Variants in SAMTOR observed in about 807,000 individuals in gnomAD.
SAMTOR encodes the protein S-adenosylmethionine sensor upstream of mTORC1.
the SAMTOR span, among the ~76,000 whole-genome samples, chr7:112,915,129 T>C: frequency 4.6e-5 from 7 of 151,898 alleles, no homozygotes; most frequent in South Asian, 1.5e-3. Flanking sequence ...TCCCAGCTAC[T>C]TGGGAGGCTG....
At chr7:112,849,910 T>A in the SAMTOR span, among the ~76,000 whole-genome samples, 1 of 152,198 alleles carries the variant, frequency 6.6e-6, no homozygotes. Flanking sequence ...ATTGCATATG[T>A]TAAACCATCT....
At chr7:112,884,461 G>A in the SAMTOR span, among the ~76,000 whole-genome samples, 1 of 152,182 alleles carries the variant, frequency 6.6e-6, no homozygotes, top group Non-Finnish European at 1.5e-5. Flanking sequence ...TACAATGGGG[G>A]TACAGGCACT....
the SAMTOR span, among the ~76,000 whole-genome samples, chr7:112,848,835 G>A: frequency 1.2e-4 from 18 of 152,224 alleles, no homozygotes; most frequent in Middle Eastern, 0.01. Flanking sequence ...CGATCACGAG[G>A]TCAGGAGTTC....
chr7:112,937,995 A>G, the SAMTOR span, among the ~76,000 whole-genome samples: 1 of 152,084 alleles, frequency 6.6e-6, no homozygotes, highest in Non-Finnish European at 1.5e-5. Context: ...ATTAAAAGGT[A>G]AAAATAGAAA....
the SAMTOR span, among the ~76,000 whole-genome samples, chr7:112,925,246 T>C: frequency 6.6e-6 from 1 of 152,184 alleles, no homozygotes; most frequent in African/African-American, 2.4e-5. Context: ...TCCATCAAAT[T>C]TGAAACTAAA....
the SAMTOR span, among the ~76,000 whole-genome samples, chr7:112,890,483 C>T: frequency 6.6e-6 from 1 of 151,950 alleles, no homozygotes; most frequent in African/African-American, 2.4e-5. Flanking sequence ...AAATCCATGA[C>T]AGTTTCTATA....
chr7:112,865,240 G>C, the SAMTOR span, among the ~76,000 whole-genome samples: 1 of 152,050 alleles, frequency 6.6e-6, no homozygotes, highest in Non-Finnish European at 1.5e-5. Context: ...CTTGAGGCCA[G>C]GAGTTCGAGA....
At chr7:112,842,034 T>G in the SAMTOR span, among the ~76,000 whole-genome samples, 5 of 152,058 alleles carry the variant, frequency 3.3e-5, no homozygotes, top group African/African-American at 1.2e-4. Flanking sequence ...GGTCTGTTCT[T>G]GCTGCCTCTG....
the SAMTOR span, among the ~76,000 whole-genome samples, chr7:112,913,160 T>C: frequency 6.6e-6 from 1 of 152,156 alleles, no homozygotes; most frequent in Non-Finnish European, 1.5e-5. Context: ...GAAATGCAAA[T>C]AAAAACATTT....
the SAMTOR span, among the ~76,000 whole-genome samples, chr7:112,924,430 C>G: frequency 6.6e-6 from 1 of 152,046 alleles, no homozygotes; most frequent in Admixed American, 6.6e-5. Flanking sequence ...CTAATAAGTA[C>G]TGAGTTGAAA....
chr7:112,839,933 A>G, the SAMTOR span, among the ~76,000 whole-genome samples: 3 of 152,018 alleles, frequency 2.0e-5, no homozygotes, highest in East Asian at 5.8e-4. Context: ...GATATCTCTC[A>G]TAAGAGCATA....
At chr7:112,919,887 A>G in the SAMTOR span, among the ~76,000 whole-genome samples, 2 of 152,240 alleles carry the variant, frequency 1.3e-5, no homozygotes, top group Non-Finnish European at 2.9e-5. Flanking sequence ...CACCCTCCCA[A>G]GACTAAACCA....
chr7:112,880,638 A>G, the SAMTOR span, among the ~76,000 whole-genome samples: 2 of 151,936 alleles, frequency 1.3e-5, no homozygotes, highest in Non-Finnish European at 2.9e-5. Context: ...AATATTAAAT[A>G]CTAAGCCTCC....
At chr7:112,937,984 T>C in the SAMTOR span, among the ~76,000 whole-genome samples, 29 of 151,954 alleles carry the variant, frequency 1.9e-4, no homozygotes, top group African/African-American at 7.0e-4. Flanking sequence ...ATAATGAAAT[T>C]ATTAAAAGGT....
chr7:112,888,172 T>C, the SAMTOR span, among the ~76,000 whole-genome samples: 1 of 152,172 alleles, frequency 6.6e-6, no homozygotes, highest in Non-Finnish European at 1.5e-5. Flanking sequence ...TTCTGAGACT[T>C]ACTTATCTGA....
chr7:112,919,976 G>A, the SAMTOR span, among the ~76,000 whole-genome samples: 2 of 151,902 alleles, frequency 1.3e-5, no homozygotes, highest in African/African-American at 4.8e-5. Context: ...CAACCAAAAA[G>A]AGTCCAGGAC....
At chr7:112,828,840 A>G in the SAMTOR span, among the ~76,000 whole-genome samples, 1 of 152,178 alleles carries the variant, frequency 6.6e-6, no homozygotes, top group Non-Finnish European at 1.5e-5. Context: ...AATCGATTTC[A>G]TCTTCATTTT....
chr7:112,934,956 A>G, the SAMTOR span, among the ~76,000 whole-genome samples: 1 of 152,140 alleles, frequency 6.6e-6, no homozygotes, highest in Non-Finnish European at 1.5e-5. Flanking sequence ...TGACTATATA[A>G]ATGGTCCCTT....
the SAMTOR span, among the ~76,000 whole-genome samples, chr7:112,852,138 A>G: frequency 7.9e-5 from 12 of 152,174 alleles, no homozygotes; most frequent in Non-Finnish European, 1.8e-4. Flanking sequence ...AATTATATAT[A>G]AAGACACCTG....
Sources: allele counts gnomAD v4.1 joint callset (sites outside exome capture counted in the v4.1 genomes callset), GRCh38; gene constraint gnomAD v4.1.1; transcripts MANE v1.5; gene names NCBI Gene and HGNC (gene_info 2026-07-23, HGNC 2026-07-21).